COX7B2: variants seen among roughly 807,000 people sequenced by gnomAD.
COX7B2 encodes the protein cytochrome c oxidase subunit 7B2, mitochondrial.
For missense variants in COX7B2, 109 were observed against 95.9 expected (o/e 1.14, Z -0.57); for synonymous variants, 37 against 32.1 (o/e 1.15, Z -0.51).
chr4:46,888,810 C>A (rs1178732964), intron 1 of COX7B2, among the ~76,000 whole-genome samples: 1 of 152,142 alleles, frequency 6.6e-6, no homozygotes, highest in African/African-American at 2.4e-5. Context: ...ATAATAATTA[C>A]TACAATCCCA....
intron 2 of COX7B2, among the ~76,000 whole-genome samples, chr4:46,802,633 G>A (rs1165937462): frequency 1.3e-5 from 2 of 152,070 alleles, no homozygotes; most frequent in East Asian, 3.8e-4. Flanking sequence ...ATCTACTTGA[G>A]GGGTACCTAG....
At chr4:46,787,812 T>C (rs186238769) in intron 2 of COX7B2, among the ~76,000 whole-genome samples, 1 of 152,342 alleles carries the variant, frequency 6.6e-6, no homozygotes, top group East Asian at 1.9e-4. Flanking sequence ...TTACTTTGTG[T>C]GTTCTGCCTT....
intron 2 of COX7B2, among the ~76,000 whole-genome samples, chr4:46,796,415 T>A (rs1718347515): frequency 6.9e-6 from 1 of 143,954 alleles, no homozygotes; most frequent in East Asian, 2.0e-4. Context: ...CCGGTTAGAA[T>A]GGCAATCATT....
At chr4:46,829,362 T>C (rs1560407061) in intron 2 of COX7B2, among the ~76,000 whole-genome samples, 1 of 152,202 alleles carries the variant, frequency 6.6e-6, no homozygotes, top group Non-Finnish European at 1.5e-5. Context: ...GAGGATCTAT[T>C]TTCTAATTCA....
At chr4:46,846,690 A>G (rs892809508) in intron 1 of COX7B2, among the ~76,000 whole-genome samples, 1 of 152,058 alleles carries the variant, frequency 6.6e-6, no homozygotes, top group Non-Finnish European at 1.5e-5. Flanking sequence ...AGGCTAGAGA[A>G]GTAACAAAAA....
intron 1 of COX7B2, among the ~76,000 whole-genome samples, chr4:46,854,565 C>A (rs7356339): frequency 6.6e-6 from 1 of 152,150 alleles, no homozygotes; most frequent in Non-Finnish European, 1.5e-5. Context: ...AGGCTAGTGC[C>A]TATTTTTCTT....
At chr4:46,796,451 G>A (rs1479840658) in intron 2 of COX7B2, among the ~76,000 whole-genome samples, 8 of 135,982 alleles carry the variant, frequency 5.9e-5, no homozygotes, top group Non-Finnish European at 1.2e-4. Flanking sequence ...AACAGGTGCT[G>A]GAGAGGATGC....
At position 46,818,568 on chromosome 4, in the gene COX7B2, C is replaced by T. The variant is rs576936987; in HGVS notation, c.-50+26392G>A. Among the ~76,000 whole-genome samples the T allele has an allele frequency of 1.5e-4, 22 of 151,084 alleles. No individual in the cohort carries two copies. The East Asian group carries it at 2.3e-3, about 16-fold the overall frequency. ...AGGAGAATGGCGTGAACCCAGGAGG[C>T]GGAGTTTGCAGTGAGTGAAGATCAA... is the stretch of plus-strand genomic sequence containing the variant. On this transcript the variant is annotated intron_variant, in intron 2 of 2. Transcript: ENST00000355591.
chr4:46,789,723 G>A (rs1717937742), intron 2 of COX7B2, among the ~76,000 whole-genome samples: 1 of 152,106 alleles, frequency 6.6e-6, no homozygotes. Context: ...AACAAAGGAA[G>A]ACTAGTCGTT....
chr4:46,799,243 C>T (rs79746515), intron 2 of COX7B2, among the ~76,000 whole-genome samples: 2,464 of 152,068 alleles, frequency 0.016, 32 homozygotes, highest in Middle Eastern at 0.068. Context: ...GTTGTTTATC[C>T]GATCTAGGAG....
intron 2 of COX7B2, among the ~76,000 whole-genome samples, chr4:46,745,395 T>A (rs1714961784): frequency 6.6e-6 from 1 of 152,242 alleles, no homozygotes; most frequent in South Asian, 2.1e-4. Flanking sequence ...AGCATTGAAG[T>A]AGTAACTCTA....
At chr4:46,859,916 A>G (rs1278508558) in intron 1 of COX7B2, among the ~76,000 whole-genome samples, 2 of 152,226 alleles carry the variant, frequency 1.3e-5, no homozygotes, top group East Asian at 1.9e-4. Context: ...TGCACTGCCT[A>G]TGAGTTATCC....
At chr4:46,814,431 G>A (rs1365229752) in intron 2 of COX7B2, among the ~76,000 whole-genome samples, 1 of 152,178 alleles carries the variant, frequency 6.6e-6, no homozygotes, top group Non-Finnish European at 1.5e-5. Flanking sequence ...ATCCTTTTTA[G>A]ATGTGTTCAT....
intron 1 of COX7B2, among the ~76,000 whole-genome samples, chr4:46,869,478 G>A (rs1261090726): frequency 6.6e-6 from 1 of 152,034 alleles, no homozygotes; most frequent in Non-Finnish European, 1.5e-5. Flanking sequence ...TGGTTTGTGT[G>A]TTTAAGTGTC....
At chr4:46,745,023 T>C (rs138110976) in intron 2 of COX7B2, among the ~76,000 whole-genome samples, 8 of 152,264 alleles carry the variant, frequency 5.3e-5, no homozygotes, top group African/African-American at 1.9e-4. Context: ...TGAGCCACTG[T>C]GCCCAGCCAG....
intron 2 of COX7B2, among the ~76,000 whole-genome samples, chr4:46,779,211 C>G (rs1717313456): frequency 6.6e-6 from 1 of 152,154 alleles, no homozygotes; most frequent in African/African-American, 2.4e-5. Flanking sequence ...AGAGGCAATG[C>G]TATTTCCAAA....
intron 2 of COX7B2, among the ~76,000 whole-genome samples, chr4:46,815,769 T>C (rs1719520387): frequency 6.6e-6 from 1 of 152,226 alleles, no homozygotes; most frequent in African/African-American, 2.4e-5. Context: ...AGGATTCTTA[T>C]GATATCAGGG....
chr4:46,850,669 A>T (rs1293847228), intron 1 of COX7B2, among the ~76,000 whole-genome samples: 1 of 152,138 alleles, frequency 6.6e-6, no homozygotes, highest in African/African-American at 2.4e-5. Flanking sequence ...CTAACACTGT[A>T]AAGAAGTAAA....
chr4:46,776,037 G>T (rs1717136049), intron 2 of COX7B2, among the ~76,000 whole-genome samples: 1 of 152,056 alleles, frequency 6.6e-6, no homozygotes, highest in African/African-American at 2.4e-5. Flanking sequence ...TGTGTATTAG[G>T]AATGCTCCTG....
Sources: allele counts gnomAD v4.1 joint callset (sites outside exome capture counted in the v4.1 genomes callset), GRCh38; gene constraint gnomAD v4.1.1; transcripts MANE v1.5; gene names NCBI Gene and HGNC (gene_info 2026-07-23, HGNC 2026-07-21).